Variants in LAYN observed in about 807,000 individuals in gnomAD.
LAYN encodes layilin.
LAYN carries 38 observed loss-of-function variants against 43.6 expected under a neutral mutation model. That is an observed-to-expected ratio of 0.87 (90% CI 0.67 to 1.14). LAYN has a LOEUF of 1.14. Ranked by LOEUF, LAYN falls within the 50% of genes most tolerant of loss-of-function variation. LAYN has a pLI of 0.00. For synonymous variants in LAYN, 168 were observed against 172.9 expected, an observed-to-expected ratio of 0.97 and a Z score of 0.22; for missense variants, 479 against 463.8, an observed-to-expected ratio of 1.03 and a Z score of -0.30.
At chr11:111,547,480 G>T (rs769185339) in intron 2 of LAYN, among the ~76,000 whole-genome samples, 17 of 152,172 alleles carry the variant, frequency 1.1e-4, no homozygotes, top group Non-Finnish European at 1.8e-4. Context: ...ATATAGCCTT[G>T]AGTCAAGACC....
chr11:111,560,316 T>C lies in LAYN; in HGVS notation c.983T>C (p.Val328Ala), dbSNP rs1295913128. The change falls in exon 7 of 7, where the codon GTG becomes GCG. Residue 328 changes from valine to alanine, a missense_variant. Transcript: ENST00000375614. The part of the protein sequence containing the change: ...DMSCDYDNMA[V>A]NPSESGFVTL... Reference sequence around the variant, plus strand: ...TCTTGTGACTATGACAACATGGCTGTGAACCCATCAGAAAGTGGGTTTGTG... The same window carrying C: ...TCTTGTGACTATGACAACATGGCTGCGAACCCATCAGAAAGTGGGTTTGTG... The C allele has an allele frequency of 3.1e-6, 5 of 1,614,108 alleles. No individual in the cohort carries two copies. Among genetic ancestry groups the C allele is most frequent in the Middle Eastern group, 1.6e-4 (1 of 6,084 alleles).
chr11:111,546,741 A>G (rs1867655070), intron 2 of LAYN, among the ~76,000 whole-genome samples: 1 of 152,198 alleles, frequency 6.6e-6, no homozygotes, highest in Non-Finnish European at 1.5e-5. Context: ...GGTGTGTCTG[A>G]CAGTTCCTTG....
chr11:111,542,078 G>A (rs1036792815), intron 1 of LAYN, among the ~76,000 whole-genome samples: 35 of 152,194 alleles, frequency 2.3e-4, no homozygotes, highest in African/African-American at 6.8e-4. Flanking sequence ...GAAAGTGGGG[G>A]TTGTCAGGAA....
intron 1 of LAYN, among the ~76,000 whole-genome samples, chr11:111,541,980 C>G (rs561220575): frequency 1.2e-3 from 190 of 152,290 alleles, no homozygotes; most frequent in African/African-American, 4.3e-3. Flanking sequence ...GTCTCTGGCA[C>G]TCACCCGCAG....
At position 111,560,662 on chromosome 11, in the gene LAYN, T is replaced by A; in HGVS notation, c.*204T>A. ...CCCAGCCAGTCATCCAGCTCGACCT[T>A]ATGAGAAGGTACCTTGCCCAGGTCT... is the stretch of plus-strand genomic sequence containing the variant. On this transcript the variant is annotated 3_prime_UTR_variant, in exon 7 of 7. Coordinates refer to ENST00000375614, the MANE Select transcript of LAYN (RefSeq NM_178834.5). 1.7e-6 allele frequency: 1 copy of A among 572,446 alleles called. No individual in the cohort carries two copies. Among genetic ancestry groups the A allele is most frequent in the Non-Finnish European group, 3.1e-6 (1 of 327,614 alleles). 35.5% of individuals were successfully genotyped at this position (572,446 alleles called of 1,614,324 possible).
intron 5 of LAYN, 97 bp from the exon 6 acceptor site, chr11:111,557,444 G>T: frequency 1.0e-6 from 1 of 954,684 alleles, no homozygotes; most frequent in South Asian, 1.4e-5. Flanking sequence ...GGTACAAGTG[G>T]TTTTTGACGA....
At chr11:111,559,436 TTTATTTTATTTTATTTTA>T (rs1373797871) in intron 6 of LAYN, among the ~76,000 whole-genome samples, 2 of 151,644 alleles carry the variant, frequency 1.3e-5, no homozygotes, top group Non-Finnish European at 2.9e-5. Context: ...TTGTTTTGGT[TTTATTTTATTTTATTTTA>T]TTATTTTATT....
In LAYN at chr11:111,560,201, CAA is replaced by C. The variant is rs753843278; in HGVS notation, c.870_871del (p.Ser291ArgfsTer3). 6 of 1,614,198 alleles carry C rather than the reference CAA, an allele frequency of 3.7e-6. No individual in the cohort carries two copies. In the South Asian group the frequency reaches 6.6e-5, roughly 18 times the overall value. On this transcript the variant is annotated frameshift_variant, in exon 7 of 7. Transcript: ENST00000375614. LOFTEE classifies it high-confidence loss of function. ...AGAGGTCTACAATGTCATAAGAAAA[CAA>C]AGCGAAGCTGACTTAGCTGAGACCC... ...DLEVYNVIRK[Q>X]SEADLAETRP...
chr11:111,549,400 A>T (rs1867700234), intron 2 of LAYN, among the ~76,000 whole-genome samples: 1 of 152,208 alleles, frequency 6.6e-6, no homozygotes. Flanking sequence ...CCCTGCAAAG[A>T]GATTGTGGCA....
At chr11:111,542,164 G>C (rs2135788654) in intron 1 of LAYN, among the ~76,000 whole-genome samples, 1 of 152,362 alleles carries the variant, frequency 6.6e-6, no homozygotes, top group East Asian at 1.9e-4. Context: ...CTCCTCTGCT[G>C]CCCAATTTGG....
intron 3 of LAYN, among the ~76,000 whole-genome samples, chr11:111,550,578 G>A (rs1867725291): frequency 6.6e-6 from 1 of 152,124 alleles, no homozygotes; most frequent in Admixed American, 6.5e-5. Context: ...TTTTAAAATT[G>A]TTTGAACTGG....
At chr11:111,549,473 A>G (rs1867701663) in intron 2 of LAYN, 145 bp from the exon 3 acceptor site, 1 of 588,460 alleles carries the variant, frequency 1.7e-6, no homozygotes, top group Admixed American at 4.1e-5. Flanking sequence ...TACTGGCAGT[A>G]CTTCAATTCC....
intron 5 of LAYN, among the ~76,000 whole-genome samples, chr11:111,557,283 A>G (rs1266004938): frequency 6.6e-6 from 1 of 152,258 alleles, no homozygotes; most frequent in Non-Finnish European, 1.5e-5. Context: ...TAGGACAGGT[A>G]GAAAATGCTC....
At chr11:111,559,864 A>T (rs1304846382) in intron 6 of LAYN, among the ~76,000 whole-genome samples, 1 of 152,070 alleles carries the variant, frequency 6.6e-6, no homozygotes, top group African/African-American at 2.4e-5. Context: ...CCAGGATAAT[A>T]ACCCTGCCCA....
chr11:111,553,502 C>T (rs1219425290), intron 3 of LAYN, among the ~76,000 whole-genome samples: 1 of 151,634 alleles, frequency 6.6e-6, no homozygotes, highest in African/African-American at 2.4e-5. Flanking sequence ...GCCTATAATC[C>T]CAGCTACTTC....
intron 6 of LAYN, among the ~76,000 whole-genome samples, chr11:111,558,783 A>AAAAAT (rs386374901): frequency 2.8e-5 from 4 of 143,130 alleles, no homozygotes; most frequent in African/African-American, 7.9e-5. Flanking sequence ...TATTTAAAAA[A>AAAAAT]ATATATATAT....
Position 111,561,454 on chromosome 11 carries a change from GT to G in LAYN, c.*999del, listed in dbSNP as rs1220849049. The G allele has an allele frequency of 6.6e-6, 1 of 152,200 alleles. No homozygotes were observed. The highest frequency in any genetic ancestry group is 1.5e-5 in the Non-Finnish European group (1 of 68,040). The allele number at this position is 152,200 out of a possible 1,614,324, so 9.4% of individuals were successfully genotyped here. On this transcript the variant is annotated 3_prime_UTR_variant, in exon 7 of 7. Coordinates refer to ENST00000375614, the MANE Select transcript of LAYN (RefSeq NM_178834.5). ...CATCCCTGATACTACACGTTGTTCT[GT>G]TTGCATGTTTGTTACTGCAGCATCA...
rs1357679892 is a variant in LAYN, at chr11:111,560,562, G to T, written c.*104G>T. On this transcript the variant is annotated 3_prime_UTR_variant, in exon 7 of 7. Coordinates refer to ENST00000375614, the MANE Select transcript of LAYN (RefSeq NM_178834.5). ...CACAGAAGGTCTATGAACAAGCTTA[G>T]ATCAGGTCCTGTGGATGAGCATGTG... 2.2e-5 allele frequency: 28 copies of T among 1,297,952 alleles called. No individual in the cohort carries two copies. The highest frequency in any genetic ancestry group is 2.9e-5 in the Non-Finnish European group (28 of 955,354). 80.4% of individuals were successfully genotyped at this position (1,297,952 alleles called of 1,614,324 possible).
At position 111,544,033 on chromosome 11, in the gene LAYN, G is replaced by T; in HGVS notation, c.196G>T (p.Asp66Tyr). The change falls in exon 2 of 7, where the codon GAT becomes TAT. Residue 66 changes from aspartate to tyrosine, a missense_variant. Transcript: ENST00000375614. ...GGAAGCCAAAGAAGCCTGCAGGAGG[G>T]ATGGAGGCCAGCTAGTCAGCATCGA... The part of the protein sequence containing the change: ...FEEAKEACRR[D>Y]GGQLVSIESE... The T allele has an allele frequency of 6.2e-7, 1 of 1,614,212 alleles. No homozygotes were observed. The highest frequency in any genetic ancestry group is 8.5e-7 in the Non-Finnish European group (1 of 1,180,042).
Sources: allele counts gnomAD v4.1 joint callset (sites outside exome capture counted in the v4.1 genomes callset), GRCh38; gene constraint gnomAD v4.1.1; transcripts MANE v1.5; gene names NCBI Gene and HGNC (gene_info 2026-07-23, HGNC 2026-07-21).